MEGF11: variants seen among roughly 807,000 people sequenced by gnomAD.
MEGF11 encodes multiple epidermal growth factor-like domains protein 11.
MEGF11 carries 126 observed loss-of-function variants against 146.6 expected under a neutral mutation model. That is an observed-to-expected ratio of 0.86 (90% CI 0.74 to 1.00). MEGF11 has a LOEUF of 1.00. Among genes scored for constraint, MEGF11 ranks in the 50% least tolerant of loss-of-function variants. MEGF11 has a pLI of 0.00. For missense variants in MEGF11, 1,509 were observed against 1,521.2 expected (o/e 0.99, Z 0.13); for synonymous variants, 532 against 583.4 (o/e 0.91, Z 1.27).
intron 5 of MEGF11, among the ~76,000 whole-genome samples, chr15:66,016,130 C>A (rs1160873750): frequency 6.6e-6 from 1 of 151,950 alleles, no homozygotes; most frequent in African/African-American, 2.4e-5. Context: ...TTAAAAAAAA[C>A]CCACTCGGCT....
intron 5 of MEGF11, among the ~76,000 whole-genome samples, chr15:65,988,838 C>G (rs971784565): frequency 6.6e-6 from 1 of 152,102 alleles, no homozygotes; most frequent in Non-Finnish European, 1.5e-5. Flanking sequence ...CCCACATCCA[C>G]CATCTGGTCC....
chr15:66,167,644 TCAAACAAACAAACAAAA>T (rs1567270269), intron 1 of MEGF11, among the ~76,000 whole-genome samples: 3 of 146,718 alleles, frequency 2.0e-5, no homozygotes, highest in African/African-American at 7.5e-5. Context: ...AAATTCCGTC[TCAAACAAACAAACAAAA>T]CAAACAAACA....
At chr15:66,153,390 T>C (rs544661369) in intron 1 of MEGF11, among the ~76,000 whole-genome samples, 1 of 152,058 alleles carries the variant, frequency 6.6e-6, no homozygotes, top group Non-Finnish European at 1.5e-5. Flanking sequence ...CTGGCCAACA[T>C]GGTGAAGTCT....
At chr15:65,966,800 C>T (rs1027911668) in intron 8 of MEGF11, among the ~76,000 whole-genome samples, 11 of 151,954 alleles carry the variant, frequency 7.2e-5, no homozygotes, top group Admixed American at 4.6e-4. Flanking sequence ...CCTCCGTGGG[C>T]GAGTGTGACC....
intron 1 of MEGF11, among the ~76,000 whole-genome samples, chr15:66,241,994 T>C (rs1348163069): frequency 6.6e-6 from 1 of 152,132 alleles, no homozygotes; most frequent in Non-Finnish European, 1.5e-5. Context: ...TACTGACAAC[T>C]GCAGCCAGTC....
chr15:66,237,656 G>T (rs1017636974), intron 1 of MEGF11, among the ~76,000 whole-genome samples: 1 of 152,168 alleles, frequency 6.6e-6, no homozygotes, highest in Non-Finnish European at 1.5e-5. Context: ...TGGGAGAATT[G>T]AATGAGTAAT....
Position 65,898,945 on chromosome 15 carries a change from A to G in MEGF11, c.3056-11T>C, listed in dbSNP as rs368302377. Reference sequence around the variant, plus strand: ...ATTCTTTCATGTAATCTGCAAGGCAAGAGACATTTCTTAGGACAAGCAAGA... The same window carrying G: ...ATTCTTTCATGTAATCTGCAAGGCAGGAGACATTTCTTAGGACAAGCAAGA... On this transcript the variant is annotated splice_polypyrimidine_tract_variant and intron_variant, in intron 24 of 25. Coordinates refer to ENST00000395614, the MANE Select transcript of MEGF11 (RefSeq NM_001385028.1). The G allele has an allele frequency of 3.1e-6, 5 of 1,613,378 alleles. No individual in the cohort carries two copies. The African/African-American group carries it at 6.7e-5, about 22-fold the overall frequency.
chr15:65,988,008 CTTTTTTTTT>C (rs35039801), intron 5 of MEGF11, among the ~76,000 whole-genome samples: 16 of 93,612 alleles, frequency 1.7e-4, no homozygotes, highest in Non-Finnish European at 2.7e-4. Flanking sequence ...AGTACCCGGT[CTTTTTTTTT>C]TTTTTTTTTT....
chr15:66,030,281 C>T (rs184254432), intron 5 of MEGF11, among the ~76,000 whole-genome samples: 1 of 152,340 alleles, frequency 6.6e-6, no homozygotes, highest in African/African-American at 2.4e-5. Flanking sequence ...GCATATATAT[C>T]AGAAACCTCA....
intron 5 of MEGF11, among the ~76,000 whole-genome samples, chr15:66,036,397 C>T (rs186284386): frequency 6.6e-6 from 1 of 152,368 alleles, no homozygotes; most frequent in East Asian, 1.9e-4. Flanking sequence ...CATTGCTTTG[C>T]AGAATTATCC....
intron 5 of MEGF11, among the ~76,000 whole-genome samples, chr15:66,050,188 T>A (rs1597030370): frequency 6.6e-6 from 1 of 152,088 alleles, no homozygotes; most frequent in Non-Finnish European, 1.5e-5. Context: ...GCCTCCCGAG[T>A]AGCTGGAACT....
chr15:66,189,057 AGGAAAGCCATGGG>A (rs927137823), intron 1 of MEGF11, among the ~76,000 whole-genome samples: 6 of 152,360 alleles, frequency 3.9e-5, no homozygotes, highest in Admixed American at 6.5e-5. Context: ...AAATAATACA[AGGAAAGCCATGGG>A]GGAGGAGGGA....
chr15:66,122,727 C>T (rs1180419140), intron 3 of MEGF11, among the ~76,000 whole-genome samples: 1 of 152,128 alleles, frequency 6.6e-6, no homozygotes, highest in East Asian at 1.9e-4. Context: ...TCCTGACCTC[C>T]GTGGACACTG....
chr15:66,151,182 T>C (rs1461690124), intron 1 of MEGF11, among the ~76,000 whole-genome samples: 1 of 152,176 alleles, frequency 6.6e-6, no homozygotes, highest in Non-Finnish European at 1.5e-5. Flanking sequence ...AAACACAGGC[T>C]GCATGCGGAA....
At chr15:66,082,700 G>A (rs12908330) in intron 5 of MEGF11, among the ~76,000 whole-genome samples, 69,154 of 125,562 alleles carry the variant, frequency 0.55, 18,434 homozygotes, top group Non-Finnish European at 0.61. Context: ...AGGGCGGTGC[G>A]GAGGGACTGT....
intron 10 of MEGF11, among the ~76,000 whole-genome samples, chr15:65,934,572 G>A (rs556074108): frequency 1.3e-5 from 2 of 152,298 alleles, no homozygotes; most frequent in Admixed American, 1.3e-4. Context: ...CGTTTTGTAT[G>A]CTAATGACTG....
At chr15:65,899,022 C>A in intron 24 of MEGF11, 88 bp from the exon 25 acceptor site, 1 of 1,295,364 alleles carries the variant, frequency 7.7e-7, no homozygotes, top group South Asian at 1.4e-5. Flanking sequence ...AGTTTATGTG[C>A]CTTCAGGATC....
At chr15:66,001,023 G>A (rs1282553505) in intron 5 of MEGF11, among the ~76,000 whole-genome samples, 1 of 152,138 alleles carries the variant, frequency 6.6e-6, no homozygotes, top group Non-Finnish European at 1.5e-5. Context: ...GGAAACACTT[G>A]GGCAGGATAC....
At chr15:66,043,144 G>A (rs145430930) in intron 5 of MEGF11, among the ~76,000 whole-genome samples, 1 of 152,350 alleles carries the variant, frequency 6.6e-6, no homozygotes, top group Non-Finnish European at 1.5e-5. Context: ...TTCACATATT[G>A]AGAGCTCTTC....
Sources: gnomAD v4.1 joint callset for allele counts (sites outside exome capture counted in the v4.1 genomes callset) on GRCh38, gnomAD v4.1.1 for gene constraint, MANE v1.5 for transcripts, NCBI Gene and HGNC (gene_info 2026-07-23, HGNC 2026-07-21) for gene names.